NALF1: variants seen among roughly 807,000 people sequenced by gnomAD.
NALF1 encodes family with sequence similarity 155 member A.
NALF1 carries 3 observed loss-of-function variants against 48.4 expected under a neutral mutation model. The ratio of observed to expected loss-of-function variants is 0.06; its 90% CI spans 0.03 to 0.16. The LOEUF is 0.16. Among genes scored for constraint, NALF1 ranks in the 10% least tolerant of loss-of-function variants. The pLI, the probability that NALF1 is intolerant of heterozygous loss-of-function variation, is 1.00. For synonymous variants in NALF1, 262 were observed against 245.7 expected (o/e 1.07, Z -0.62); for missense variants, 526 against 571.5 (o/e 0.92, Z 0.81).
At chr13:107,277,790 T>C (rs1473214956) in intron 1 of NALF1, among the ~76,000 whole-genome samples, 1 of 152,234 alleles carries the variant, frequency 6.6e-6, no homozygotes, top group African/African-American at 2.4e-5. Flanking sequence ...TTTAAGGAAA[T>C]GATTCTAACC....
intron 1 of NALF1, among the ~76,000 whole-genome samples, chr13:107,653,260 A>T (rs571829637): frequency 6.6e-6 from 1 of 152,264 alleles, no homozygotes; most frequent in South Asian, 2.1e-4. Flanking sequence ...TCCAATAACA[A>T]ACGAATTCTC....
At chr13:107,512,187 G>A (rs1875914747) in intron 1 of NALF1, among the ~76,000 whole-genome samples, 1 of 152,204 alleles carries the variant, frequency 6.6e-6, no homozygotes, top group Admixed American at 6.5e-5. Context: ...GAGGTCAGGA[G>A]ATCGAGACCA....
At chr13:107,516,886 C>T (rs901891771) in intron 1 of NALF1, among the ~76,000 whole-genome samples, 18 of 152,160 alleles carry the variant, frequency 1.2e-4, no homozygotes, top group African/African-American at 2.9e-4. Flanking sequence ...CTTTAATAAA[C>T]GCCAGACTTC....
At chr13:107,658,685 A>G (rs1440203546) in intron 1 of NALF1, among the ~76,000 whole-genome samples, 1 of 151,964 alleles carries the variant, frequency 6.6e-6, no homozygotes, top group Non-Finnish European at 1.5e-5. Context: ...ATTGCTCTAA[A>G]CTCAGATTCC....
intron 1 of NALF1, among the ~76,000 whole-genome samples, chr13:107,721,444 C>T (rs946416201): frequency 6.6e-6 from 1 of 152,082 alleles, no homozygotes; most frequent in Non-Finnish European, 1.5e-5. Context: ...ATTTTCAATG[C>T]TAAGCTACAT....
At chr13:107,263,702 G>T (rs1458172614) in intron 1 of NALF1, among the ~76,000 whole-genome samples, 1 of 152,086 alleles carries the variant, frequency 6.6e-6, no homozygotes, top group Non-Finnish European at 1.5e-5. Context: ...TGCCTCCCCA[G>T]CCATGTGGAA....
intron 1 of NALF1, among the ~76,000 whole-genome samples, chr13:107,235,373 G>T (rs1183120830): frequency 6.6e-6 from 1 of 151,730 alleles, no homozygotes; most frequent in Non-Finnish European, 1.5e-5. Context: ...AAAAGCCATT[G>T]CATCCAAATG....
chr13:107,642,436 A>G (rs1482731172), intron 1 of NALF1, among the ~76,000 whole-genome samples: 1 of 152,210 alleles, frequency 6.6e-6, no homozygotes, highest in Non-Finnish European at 1.5e-5. Flanking sequence ...CAATGAATAA[A>G]AAAATAGACA....
intron 1 of NALF1, among the ~76,000 whole-genome samples, chr13:107,564,259 T>C (rs1407428442): frequency 6.6e-6 from 1 of 152,228 alleles, no homozygotes; most frequent in Non-Finnish European, 1.5e-5. Context: ...AATCCAATGA[T>C]TCTAACTTTA....
At chr13:107,392,707 G>C (rs1883648128) in intron 1 of NALF1, among the ~76,000 whole-genome samples, 1 of 152,112 alleles carries the variant, frequency 6.6e-6, no homozygotes, top group South Asian at 2.1e-4. Context: ...GTGCATGCAT[G>C]TGTGTGTAAT....
chr13:107,174,283 C>A (rs1021276059), intron 2 of NALF1, among the ~76,000 whole-genome samples: 1 of 152,062 alleles, frequency 6.6e-6, no homozygotes, highest in Non-Finnish European at 1.5e-5. Flanking sequence ...AGGAGGGCTG[C>A]GGCCTGTGAG....
At chr13:107,771,889 ACCACC>A (rs1329411865) in intron 1 of NALF1, among the ~76,000 whole-genome samples, 1 of 152,012 alleles carries the variant, frequency 6.6e-6, no homozygotes, top group Non-Finnish European at 1.5e-5. Context: ...GGCACATGCC[ACCACC>A]CCCAGCTAAT....
At chr13:107,581,658 C>T (rs764781925) in intron 1 of NALF1, among the ~76,000 whole-genome samples, 4 of 152,164 alleles carry the variant, frequency 2.6e-5, no homozygotes, top group Non-Finnish European at 5.9e-5. Context: ...TATTCCAATA[C>T]ATGTCTGGAT....
chr13:107,312,372 T>C lies in NALF1; in HGVS notation c.916-101617A>G, dbSNP rs1390685971. On this transcript the variant is annotated intron_variant, in intron 1 of 2. Transcript: ENST00000375915. ...TCACTCATAGGTGGGAATTGAACAA[T>C]GAGAACACATGGACACAGGAAGGGG... Among the ~76,000 whole-genome samples the C allele has an allele frequency of 3.3e-5, 5 of 149,554 alleles. No homozygotes were observed. In the South Asian group the frequency reaches 8.4e-4, roughly 25 times the overall value.
chr13:107,682,035 AG>A (rs1249484962), intron 1 of NALF1, among the ~76,000 whole-genome samples: 1 of 152,230 alleles, frequency 6.6e-6, no homozygotes, highest in Non-Finnish European at 1.5e-5. Flanking sequence ...TTTCACTAAC[AG>A]ACATGAATAA....
chr13:107,167,604 C>T lies in NALF1; in HGVS notation c.*2893G>A, dbSNP rs953750578. ...GATGAACATGACAAAGAAAATATTC[C>T]GCCAGAATTAGAGACTATTCCAATG... On this transcript the variant is annotated 3_prime_UTR_variant, in exon 3 of 3. Coordinates refer to ENST00000375915, the MANE Select transcript of NALF1 (RefSeq NM_001080396.3). 3.3e-5 allele frequency: 5 copies of T among 152,134 alleles called. No homozygotes were observed. Among genetic ancestry groups the T allele is most frequent in the African/African-American group, 7.2e-5 (3 of 41,430 alleles). 9.4% of individuals were successfully genotyped at this position (152,134 alleles called of 1,614,324 possible). A position where few individuals can be genotyped will look rare whatever the true frequency, so the allele number is the denominator to read the frequency against.
intron 1 of NALF1, among the ~76,000 whole-genome samples, chr13:107,767,568 T>C (rs1328033574): frequency 6.6e-6 from 1 of 152,224 alleles, no homozygotes; most frequent in East Asian, 1.9e-4. Flanking sequence ...ATCTTAGAAC[T>C]GCAAGTGTAT....
chr13:107,651,930 A>G (rs573540639), intron 1 of NALF1, among the ~76,000 whole-genome samples: 1 of 152,302 alleles, frequency 6.6e-6, no homozygotes, highest in East Asian at 1.9e-4. Flanking sequence ...GAATATATCA[A>G]AGCTAATTTT....
intron 1 of NALF1, among the ~76,000 whole-genome samples, chr13:107,317,174 G>A (rs148835896): frequency 3.0e-4 from 46 of 152,114 alleles, no homozygotes; most frequent in Admixed American, 2.0e-3. Context: ...GTGACAAAAC[G>A]TAGCAAAATG....
Sources: allele counts gnomAD v4.1 joint callset (sites outside exome capture counted in the v4.1 genomes callset), GRCh38; gene constraint gnomAD v4.1.1; transcripts MANE v1.5; gene names NCBI Gene and HGNC (gene_info 2026-07-23, HGNC 2026-07-21).